The following CLMP variants were observed in gnomAD, a reference collection of about 807,000 sequenced individuals.
CLMP encodes CXADR-like membrane protein.
In CLMP, 27 loss-of-function variants were observed where a neutral mutation model predicts 45.2. The observed-to-expected ratio is 0.60, with a 90% CI of 0.44 to 0.82. The LOEUF (loss-of-function observed/expected upper bound fraction) is 0.82. CLMP is among the 40% of genes least tolerant of loss of function. The pLI is 0.00. For missense variants in CLMP, 403 were observed against 448.4 expected (o/e 0.90, Z 0.91); for synonymous variants, 167 against 171.4 (o/e 0.97, Z 0.20).
chr11:123,178,335 G>T, intron 1 of CLMP, among the ~76,000 whole-genome samples: 1 of 152,200 alleles, frequency 6.6e-6, no homozygotes, highest in East Asian at 1.9e-4. Context: ...TCACCAGAAA[G>T]ATGGTTTAAA....
chr11:123,083,895 A>G lies in CLMP; in HGVS notation c.389-48T>C, dbSNP rs1412818934. On this transcript the variant is annotated intron_variant, in intron 3 of 6. Coordinates refer to ENST00000448775, the MANE Select transcript of CLMP (RefSeq NM_024769.5). ...AAAGTGTAGTGATTCAAAGATCCCC[A>G]AACACCAGATTCAATGGAAAAATTA... 3 of 1,600,368 alleles carry G rather than the reference A, an allele frequency of 1.9e-6. No homozygotes were observed. The South Asian group carries it at 3.3e-5, about 18-fold the overall frequency.
rs371123623 is a variant in CLMP at position 123,135,711 on chromosome 11, G to C, written c.29-37759C>G. 1.1e-4 allele frequency among the ~76,000 whole-genome samples: 16 copies of C among 152,244 alleles called. No individual in the cohort carries two copies. The East Asian group carries it at 2.3e-3, about 22-fold the overall frequency. The stretch of plus-strand genomic sequence containing the variant: ...ATCCAAATTTTTGCAAAAATGATGA[G>C]AGCCATGTTTTGCTCAGGAATACTA... On this transcript the variant is annotated intron_variant, in intron 1 of 6. Coordinates refer to ENST00000448775, the MANE Select transcript of CLMP (RefSeq NM_024769.5).
Position 123,098,044 on chromosome 11 carries a change from C to T in CLMP, c.29-92G>A, listed in dbSNP as rs150019284. On this transcript the variant is annotated intron_variant, in intron 1 of 6. Coordinates refer to ENST00000448775, the MANE Select transcript of CLMP (RefSeq NM_024769.5). ...ACAACAAAGAATTATGGGATGTTCC[C>T]GTGGGCAAGTGCATGTGGAGGGGTT... 873 of 1,130,886 alleles carry T rather than the reference C, an allele frequency of 7.7e-4. 6 individuals carry two copies. In the African/African-American group the frequency reaches 0.012, roughly 16 times the overall value. The allele number at this position is 1,130,886 out of a possible 1,614,324, so 70.1% of individuals were successfully genotyped here.
At chr11:123,105,623 T>C (rs1321720947) in intron 1 of CLMP, among the ~76,000 whole-genome samples, 2 of 150,250 alleles carry the variant, frequency 1.3e-5, no homozygotes, top group African/African-American at 4.9e-5. Flanking sequence ...AGAGACAGGG[T>C]TTTGCCACGT....
At chr11:123,120,454 T>C (rs1026346318) in intron 1 of CLMP, among the ~76,000 whole-genome samples, 1 of 152,150 alleles carries the variant, frequency 6.6e-6, no homozygotes, top group Non-Finnish European at 1.5e-5. Flanking sequence ...TATAAGATAA[T>C]TGTTAAAATC....
chr11:123,152,527 T>TAAATAAAC (rs1861351465), intron 1 of CLMP, among the ~76,000 whole-genome samples: 2 of 129,386 alleles, frequency 1.5e-5, no homozygotes, highest in South Asian at 2.5e-4. Context: ...CATCTCAAAA[T>TAAATAAAC]AAATAAATAA....
intron 1 of CLMP, among the ~76,000 whole-genome samples, chr11:123,125,948 C>T (rs1860888731): frequency 6.6e-6 from 1 of 152,046 alleles, no homozygotes. Flanking sequence ...AGCAGGAGCA[C>T]ATAGGAAGCA....
chr11:123,137,127 C>G (rs181706301), intron 1 of CLMP, among the ~76,000 whole-genome samples: 9 of 144,768 alleles, frequency 6.2e-5, no homozygotes. Flanking sequence ...CCTTGCAGAC[C>G]TTTCTCTTTT....
intron 1 of CLMP, among the ~76,000 whole-genome samples, chr11:123,110,806 G>A (rs1340910604): frequency 1.3e-5 from 2 of 152,158 alleles, no homozygotes. Context: ...AAGGGCTTAT[G>A]CCATTTGGGC....
chr11:123,109,201 G>A (rs1470234917), intron 1 of CLMP, among the ~76,000 whole-genome samples: 1 of 152,082 alleles, frequency 6.6e-6, no homozygotes, highest in Admixed American at 6.6e-5. Flanking sequence ...CACCTATCAG[G>A]CAAGGATGGT....
At chr11:123,148,614 A>T (rs1861270918) in intron 1 of CLMP, among the ~76,000 whole-genome samples, 1 of 152,186 alleles carries the variant, frequency 6.6e-6, no homozygotes, top group South Asian at 2.1e-4. Context: ...GGACAGTAGG[A>T]ATCTTTACCT....
Position 123,174,951 on chromosome 11 carries a change from T to C in CLMP, c.28+19962A>G, listed in dbSNP as rs376735628. Among the ~76,000 whole-genome samples, 35 of 152,224 alleles carry C rather than the reference T, an allele frequency of 2.3e-4. No individual in the cohort carries two copies. The East Asian group carries it at 6.6e-3, about 29-fold the overall frequency. ...AAGGGGCTCTCTATTGCAAAAGTGGTAGCTTTTCTTTGGTGTTTTAGAGAC... is the reference window on the plus strand; with the variant it reads ...AAGGGGCTCTCTATTGCAAAAGTGGCAGCTTTTCTTTGGTGTTTTAGAGAC... On this transcript the variant is annotated intron_variant, in intron 1 of 6. Coordinates refer to ENST00000448775, the MANE Select transcript of CLMP (RefSeq NM_024769.5).
At chr11:123,150,478 A>AGAAG (rs1861306858) in intron 1 of CLMP, among the ~76,000 whole-genome samples, 9 of 103,664 alleles carry the variant, frequency 8.7e-5, no homozygotes, top group African/African-American at 3.3e-4. Context: ...AAAGAAAGAA[A>AGAAG]GAAAGGAAGG....
chr11:123,117,642 G>C (rs570016850), intron 1 of CLMP, among the ~76,000 whole-genome samples: 104 of 152,150 alleles, frequency 6.8e-4, no homozygotes, highest in Non-Finnish European at 1.2e-3. Context: ...GGCCAGGCTG[G>C]TCTCGAACTC....
At chr11:123,188,152 C>T (rs1043137739) in intron 1 of CLMP, among the ~76,000 whole-genome samples, 13 of 152,138 alleles carry the variant, frequency 8.5e-5, no homozygotes, top group South Asian at 4.1e-4. Flanking sequence ...GCCTTTTGTA[C>T]GATCGGGGTC....
Position 123,178,006 on chromosome 11 carries a change from G to A in CLMP, c.28+16907C>T, listed in dbSNP as rs928273681. ...GCCTCCAGAGGAGCTGGGATTACAG[G>A]CACGTGCCACTATGCTGGGCTAATT... On this transcript the variant is annotated intron_variant, in intron 1 of 6. Transcript: ENST00000448775. 3.9e-5 allele frequency among the ~76,000 whole-genome samples: 6 copies of A among 152,224 alleles called. No homozygotes were observed. The East Asian group carries it at 7.7e-4, about 20-fold the overall frequency.
At chr11:123,160,509 C>T (rs1325682964) in intron 1 of CLMP, among the ~76,000 whole-genome samples, 2 of 151,952 alleles carry the variant, frequency 1.3e-5, no homozygotes, top group East Asian at 1.9e-4. Context: ...AGATATGCAA[C>T]GAGAAACTTG....
intron 1 of CLMP, among the ~76,000 whole-genome samples, chr11:123,123,495 T>C (rs1860847932): frequency 6.6e-6 from 1 of 152,040 alleles, no homozygotes; most frequent in African/African-American, 2.4e-5. Context: ...TGGCCTCAAG[T>C]GATCTGCCCA....
At chr11:123,152,247 G>C (rs1861346149) in intron 1 of CLMP, among the ~76,000 whole-genome samples, 1 of 152,084 alleles carries the variant, frequency 6.6e-6, no homozygotes, top group Non-Finnish European at 1.5e-5. Context: ...GTGGTGGCCG[G>C]GCACGGTGGC....
Sources: allele counts gnomAD v4.1 joint callset (sites outside exome capture counted in the v4.1 genomes callset), GRCh38; gene constraint gnomAD v4.1.1; transcripts MANE v1.5; gene names NCBI Gene and HGNC (gene_info 2026-07-23, HGNC 2026-07-21).